The following STAG1 variants were observed in gnomAD, a reference collection of about 807,000 sequenced individuals.
STAG1 encodes the protein cohesin subunit SA-1.
In STAG1, 26 loss-of-function variants were observed where a neutral mutation model predicts 170.9. The ratio of observed to expected loss-of-function variants is 0.15; its 90% confidence interval spans 0.11 to 0.21. STAG1 has a LOEUF of 0.21. Ranked by LOEUF, STAG1 falls within the 10% of genes least tolerant of loss-of-function variation. The pLI is 1.00. For synonymous variants in STAG1, 514 were observed against 497.7 expected, an observed-to-expected ratio of 1.03 and a Z score of -0.44; for missense variants, 964 against 1,509.5, an observed-to-expected ratio of 0.64 and a Z score of 5.99.
intron 7 of STAG1, among the ~76,000 whole-genome samples, chr3:136,513,655 T>A (rs1284447914): frequency 1.3e-5 from 2 of 152,128 alleles, no homozygotes; most frequent in South Asian, 2.1e-4. Context: ...TAAAAAAAAA[T>A]TTTCAATTAT....
chr3:136,551,980 C>T (rs564653657), intron 5 of STAG1, among the ~76,000 whole-genome samples: 1 of 152,180 alleles, frequency 6.6e-6, no homozygotes, highest in African/African-American at 2.4e-5. Context: ...CTTCATATTC[C>T]AATCTCTTAT....
intron 21 of STAG1, among the ~76,000 whole-genome samples, chr3:136,404,128 G>A (rs938540944): frequency 3.3e-4 from 50 of 152,076 alleles, no homozygotes; most frequent in Non-Finnish European, 6.0e-4. Context: ...CGTCTTTCTG[G>A]AGGACAAATG....
intron 6 of STAG1, among the ~76,000 whole-genome samples, chr3:136,533,663 G>A (rs377221972): frequency 6.6e-6 from 1 of 152,126 alleles, no homozygotes; most frequent in Non-Finnish European, 1.5e-5. Context: ...TTACTGCAAG[G>A]AGGATACCAA....
At chr3:136,676,057 A>C (rs927425223) in intron 1 of STAG1, among the ~76,000 whole-genome samples, 8 of 152,256 alleles carry the variant, frequency 5.3e-5, no homozygotes, top group Non-Finnish European at 1.0e-4. Flanking sequence ...TGAACACTGC[A>C]GGCAACTGCA....
At chr3:136,407,300 C>G (rs1017730677) in intron 21 of STAG1, among the ~76,000 whole-genome samples, 2 of 152,224 alleles carry the variant, frequency 1.3e-5, no homozygotes, top group Non-Finnish European at 2.9e-5. Context: ...GCTGGGATTA[C>G]AGGCGTAAGC....
At chr3:136,350,565 G>A (rs1024323923) in intron 28 of STAG1, among the ~76,000 whole-genome samples, 1 of 152,078 alleles carries the variant, frequency 6.6e-6, no homozygotes, top group Admixed American at 6.6e-5. Context: ...TGAGAACCAG[G>A]GGTTACCTAC....
chr3:136,377,478 T>C (rs192509148), intron 23 of STAG1, among the ~76,000 whole-genome samples, 182 bp downstream of exon 23: 73 of 150,310 alleles, frequency 4.9e-4, no homozygotes, highest in Non-Finnish European at 3.2e-4. Context: ...ATGTATATTA[T>C]ATAATAAGTT....
At chr3:136,685,271 G>A (rs1158987983) in intron 1 of STAG1, among the ~76,000 whole-genome samples, 2 of 152,026 alleles carry the variant, frequency 1.3e-5, no homozygotes, top group Non-Finnish European at 2.9e-5. Context: ...ATCCAAGATC[G>A]CACCATTGCA....
chr3:136,622,135 TAAAA>T (rs75542452), intron 3 of STAG1, among the ~76,000 whole-genome samples: 6 of 92,804 alleles, frequency 6.5e-5, no homozygotes, highest in Admixed American at 1.2e-4. Flanking sequence ...CCATCTCTAC[TAAAA>T]AAAAAAAAAA....
chr3:136,723,533 C>G (rs543622400), intron 1 of STAG1, among the ~76,000 whole-genome samples: 95 of 152,118 alleles, frequency 6.2e-4, no homozygotes, highest in African/African-American at 2.2e-3. Context: ...CGTCTCTGCC[C>G]GGCAGCCACC....
At chr3:136,744,008 T>C (rs1332634249) in intron 1 of STAG1, among the ~76,000 whole-genome samples, 1 of 152,222 alleles carries the variant, frequency 6.6e-6, no homozygotes, top group Non-Finnish European at 1.5e-5. Context: ...ACTATGAACA[T>C]TCTGTTCACA....
intron 7 of STAG1, among the ~76,000 whole-genome samples, chr3:136,513,122 G>A (rs961414396): frequency 3.3e-5 from 5 of 152,118 alleles, no homozygotes; most frequent in African/African-American, 9.7e-5. Context: ...TTGGGAGGCC[G>A]AGGCAGGCAG....
intron 1 of STAG1, among the ~76,000 whole-genome samples, chr3:136,657,189 C>CTTTTTTTTTTTTT (rs67826395): frequency 3.3e-5 from 3 of 92,260 alleles, no homozygotes; most frequent in Non-Finnish European, 6.3e-5. Flanking sequence ...TTCTTTCTTT[C>CTTTTTTTTTTTTT]TTTTTTTTTT....
intron 9 of STAG1, 39 bp from the exon 10 acceptor site, chr3:136,477,451 C>A: frequency 6.4e-7 from 1 of 1,558,660 alleles, no homozygotes; most frequent in East Asian, 2.3e-5. Context: ...AATTAATATA[C>A]AAAGCTAGAA....
At chr3:136,430,501 T>C (rs2088265523) in intron 16 of STAG1, among the ~76,000 whole-genome samples, 2 of 152,100 alleles carry the variant, frequency 1.3e-5, no homozygotes, top group South Asian at 2.1e-4. Flanking sequence ...CTCAACACTA[T>C]AGTGCTATAA....
At chr3:136,685,948 G>T (rs892399450) in intron 1 of STAG1, among the ~76,000 whole-genome samples, 9 of 152,142 alleles carry the variant, frequency 5.9e-5, no homozygotes, top group African/African-American at 2.2e-4. Flanking sequence ...AAGTAGGAAA[G>T]ATAAATGTTA....
chr3:136,751,535 T>C (rs997518696), intron 1 of STAG1, among the ~76,000 whole-genome samples: 1 of 151,886 alleles, frequency 6.6e-6, no homozygotes, highest in East Asian at 1.9e-4. Context: ...GAGGCCCCCG[T>C]CGGGGGCTGA....
At chr3:136,500,134 T>TA (rs1375424217) in intron 9 of STAG1, 89 bp downstream of exon 9, 7 of 808,712 alleles carry the variant, frequency 8.7e-6, no homozygotes, top group Non-Finnish European at 1.4e-5. Context: ...AAATCATAAT[T>TA]AGTGAGTTTT....
chr3:136,363,345 C>G, intron 26 of STAG1, 21 bp downstream of exon 26: 1 of 1,256,072 alleles, frequency 8.0e-7, no homozygotes, highest in Non-Finnish European at 1.2e-6. Flanking sequence ...TTCTTTGTCT[C>G]CCTCTCTCCA....
Sources: allele counts gnomAD v4.1 joint callset (sites outside exome capture counted in the v4.1 genomes callset), GRCh38; gene constraint gnomAD v4.1.1; transcripts MANE v1.5; gene names NCBI Gene and HGNC (gene_info 2026-07-23, HGNC 2026-07-21).